Variants in NAV1 observed in about 807,000 individuals in gnomAD.
NAV1 encodes neuron navigator 1, also known as pore membrane and/or filament interacting like protein 3.
In NAV1, 18 loss-of-function variants were observed where a neutral mutation model predicts 175.2. The observed-to-expected ratio is 0.10, with a 90% CI of 0.07 to 0.15. The LOEUF (loss-of-function observed/expected upper bound fraction) is 0.15. Among genes scored for constraint, NAV1 ranks in the 10% least tolerant of loss-of-function variants. NAV1 has a pLI of 1.00. For missense variants in NAV1, 1,731 were observed against 2,436.6 expected, an observed-to-expected ratio of 0.71 and a Z score of 6.10; for synonymous variants, 897 against 978.7, an observed-to-expected ratio of 0.92 and a Z score of 1.56.
At chr1:201,783,969 T>A in intron 7 of NAV1, 117 bp downstream of exon 11, 7 of 896,080 alleles carry the variant, frequency 7.8e-6, no homozygotes, top group Non-Finnish European at 1.2e-5. Flanking sequence ...TTTTTTCACA[T>A]ATATTAAGTA....
chr1:201,627,806 T>C (rs1345922869), intron 1 of NAV1, among the ~76,000 whole-genome samples: 1 of 151,876 alleles, frequency 6.6e-6, no homozygotes, highest in Admixed American at 6.6e-5. Flanking sequence ...CCCCAGTCTT[T>C]CTTTATCCCC....
intron 1 of NAV1, among the ~76,000 whole-genome samples, chr1:201,678,295 T>A (rs1375593667): frequency 6.6e-6 from 1 of 152,218 alleles, no homozygotes; most frequent in East Asian, 1.9e-4. Flanking sequence ...AAAGCAAGCC[T>A]TTCTGAACTT....
intron 1 of NAV1, among the ~76,000 whole-genome samples, chr1:201,587,999 G>C (rs781493725): frequency 1.3e-5 from 2 of 152,176 alleles, no homozygotes; most frequent in African/African-American, 4.8e-5. Context: ...TTGGAAAACA[G>C]TTTGGCAATT....
At chr1:201,791,091 G>A (rs1677090603) in intron 13 of NAV1, 2 of 303,806 alleles carry the variant, frequency 6.6e-6, no homozygotes, top group Non-Finnish European at 1.2e-5. Context: ...CCTTGCCATT[G>A]GCCATGGACA....
upstream of NAV1, among the ~76,000 whole-genome samples, chr1:201,646,383 C>A (rs1359349162): frequency 6.6e-6 from 1 of 152,206 alleles, no homozygotes; most frequent in East Asian, 1.9e-4. Context: ...AATATATACA[C>A]CCATGTCCGT....
chr1:201,567,526 T>C (rs1258664020), intron 1 of NAV1, among the ~76,000 whole-genome samples: 1 of 152,146 alleles, frequency 6.6e-6, no homozygotes, highest in Non-Finnish European at 1.5e-5. Context: ...AAAATATTGC[T>C]CAGGGAGGCA....
chr1:201,692,490 G>A (rs2102420418), intron 1 of NAV1, among the ~76,000 whole-genome samples: 1 of 152,306 alleles, frequency 6.6e-6, no homozygotes, highest in African/African-American at 2.4e-5. Context: ...GTGACTCCTT[G>A]GTAACAGGAG....
At chr1:201,638,626 G>A (rs552259526) in intron 2 of NAV1, among the ~76,000 whole-genome samples, 3 of 152,228 alleles carry the variant, frequency 2.0e-5, no homozygotes, top group Non-Finnish European at 4.4e-5. Flanking sequence ...TCTAGAAATA[G>A]CTGCATGGTA....
intron 1 of NAV1, among the ~76,000 whole-genome samples, chr1:201,582,027 C>T (rs12058657): frequency 0.058 from 8,810 of 152,148 alleles, 629 homozygotes; most frequent in African/African-American, 0.17. Flanking sequence ...ACCTGGGAGG[C>T]GGAGCTTGCA....
In NAV1 at chr1:201,758,217, C is replaced by T. The variant is rs117996208; in HGVS notation, c.1227-22204C>T. 2.5e-3 allele frequency among the ~76,000 whole-genome samples: 377 copies of T among 152,354 alleles called. 12 individuals carry two copies. The East Asian group carries it at 0.047, about 19-fold the overall frequency. On this transcript the variant is annotated intron_variant, in intron 3 of 29. Transcript: ENST00000367296. ...TCCAAAAAGAGTGCCTGTCCCACCA[C>T]ATGTGAAGTCAGTTAAATTATCAGT... is the stretch of plus-strand genomic sequence containing the variant.
rs540991290 is a variant in NAV1, at chr1:201,763,450, C to T, written c.1227-16971C>T. ...GGATTTCAATTTCCTGACTTGGAAA[C>T]ATCTGAAAAAGAGAGGAAGGTGCCT... On this transcript the variant is annotated intron_variant, in intron 3 of 29. Coordinates refer to ENST00000367296, the Ensembl canonical transcript of NAV1. 5.3e-5 allele frequency among the ~76,000 whole-genome samples: 8 copies of T among 152,298 alleles called. No individual in the cohort carries two copies. In the South Asian group the frequency reaches 1.5e-3, roughly 28 times the overall value.
At chr1:201,642,525 T>TCTTTCTTTC (rs1553247054) in intron 2 of NAV1, among the ~76,000 whole-genome samples, 2 of 100,412 alleles carry the variant, frequency 2.0e-5, no homozygotes, top group African/African-American at 8.6e-5. Context: ...TTCTTTCTTT[T>TCTTTCTTTC]TTTCTTTCTT....
In NAV1 at chr1:201,710,268, G is replaced by C. The variant is rs72739994; in HGVS notation, c.758-2549G>C. ...AAAAATTGTGGTAGCATCCATTCTT[G>C]AAATGTTCACTAAGCATCTTCTTTG... On this transcript the variant is annotated intron_variant, in intron 1 of 29. Transcript: ENST00000367296. Among the ~76,000 whole-genome samples, 1,386 of 148,838 alleles carry C rather than the reference G, an allele frequency of 9.3e-3. 11 individuals carry two copies. The highest frequency in any genetic ancestry group is 0.019 in the South Asian group (92 of 4,738).
chr1:201,596,887 G>A (rs1289904354), intron 2 of NAV1, among the ~76,000 whole-genome samples: 2 of 152,098 alleles, frequency 1.3e-5, no homozygotes, highest in Non-Finnish European at 2.9e-5. Flanking sequence ...GTGCAATGGC[G>A]AAATCTCGGC....
At position 201,808,928 on chromosome 1, in the gene NAV1, C is replaced by G. The variant is rs1678503720; in HGVS notation, c.4207+57C>G. ...GAAGGGAAGAAAAGGGCTTATTTCA[C>G]TGTTACACCATTCCACTTGCTTTGG... is the stretch of plus-strand genomic sequence containing the variant. On this transcript the variant is annotated intron_variant, in intron 20 of 29. Transcript: ENST00000367296. This position sits in a 1 kb window ranked among gnomAD's most constrained non-coding sequence, Gnocchi z 5.5. 2.6e-6 allele frequency: 4 copies of G among 1,557,322 alleles called. No homozygotes were observed. Among genetic ancestry groups the G allele is most frequent in the East Asian group, 2.2e-5 (1 of 44,492 alleles).
At chr1:201,749,012 G>C (rs1571925205) in intron 3 of NAV1, among the ~76,000 whole-genome samples, 1 of 152,124 alleles carries the variant, frequency 6.6e-6, no homozygotes, top group Non-Finnish European at 1.5e-5. Flanking sequence ...TCCAGGCATG[G>C]TGGCAGGTGA....
intron 1 of NAV1, among the ~76,000 whole-genome samples, chr1:201,653,026 G>A (rs1669265952): frequency 6.6e-6 from 1 of 152,078 alleles, no homozygotes; most frequent in Non-Finnish European, 1.5e-5. Flanking sequence ...GGAATTTATT[G>A]AATACTATAC....
In NAV1 at chr1:201,718,901, TG is replaced by T; in HGVS notation, c.1226+147del. On this transcript the variant is annotated intron_variant, in intron 3 of 29. Coordinates refer to ENST00000367296, the Ensembl canonical transcript of NAV1. This position sits in a 1 kb window ranked among gnomAD's most constrained non-coding sequence, Gnocchi z 4.8. Reference sequence around the variant, plus strand: ...ACACAAAAGTGTGCTGTGTACACTTTGTGATTGCCTCTGAAATTCGATGTGG... The same window carrying T: ...ACACAAAAGTGTGCTGTGTACACTTTTGATTGCCTCTGAAATTCGATGTGG... 4.7e-6 allele frequency: 5 copies of T among 1,060,520 alleles called. No homozygotes were observed. The highest frequency in any genetic ancestry group is 6.8e-6 in the Non-Finnish European group (5 of 734,848). 65.7% of individuals were successfully genotyped at this position (1,060,520 alleles called of 1,614,324 possible).
chr1:201,614,597 T>G (rs766056549), intron 2 of NAV1, among the ~76,000 whole-genome samples: 24 of 152,186 alleles, frequency 1.6e-4, no homozygotes, highest in Non-Finnish European at 3.2e-4. Context: ...CCCAAAACAC[T>G]TCCTTGCTCT....
Sources: allele counts gnomAD v4.1 joint callset (sites outside exome capture counted in the v4.1 genomes callset), GRCh38; gene constraint gnomAD v4.1.1; non-coding constraint Gnocchi (gnomAD v3.1); transcripts MANE v1.5; gene names NCBI Gene and HGNC (gene_info 2026-07-23, HGNC 2026-07-21).